RNF216: variants seen among roughly 807,000 people sequenced by gnomAD.
RNF216 encodes the protein ring finger protein 216.
A neutral mutation model predicts 110.8 loss-of-function variants in RNF216; 72 were observed. That is an observed-to-expected ratio of 0.65 (90% confidence interval 0.54 to 0.79). The LOEUF (loss-of-function observed/expected upper bound fraction) is 0.79. Ranked by LOEUF, RNF216 falls within the 30% of genes least tolerant of loss-of-function variation. The pLI is 0.00. For missense variants in RNF216, 1,342 were observed against 1,141.2 expected (o/e 1.18, Z -2.54); for synonymous variants, 495 against 407.5 (o/e 1.21, Z -2.59).
rs1270086255 is a variant in RNF216 at position 5,659,752 on chromosome 7, T to A, written c.2062-7242A>T. On this transcript the variant is annotated intron_variant, in intron 13 of 16. Coordinates refer to ENST00000389902, the MANE Select transcript of RNF216 (RefSeq NM_207111.4). ...CTTAGATTTCCTCAACAGTCCTCCA[T>A]AAATAAGGGCACAGCTTACTTCCTG... Among the ~76,000 whole-genome samples the A allele has an allele frequency of 3.9e-5, 6 of 152,208 alleles. No homozygotes were observed. In the South Asian group the frequency reaches 1.2e-3, roughly 32 times the overall value.
At chr7:5,656,211 T>C (rs963577729) in intron 13 of RNF216, among the ~76,000 whole-genome samples, 1 of 151,862 alleles carries the variant, frequency 6.6e-6, no homozygotes, top group African/African-American at 2.4e-5. Context: ...GGAGGTTGCA[T>C]TGAGCTGAGA....
At chr7:5,656,465 A>T (rs1788751385) in intron 13 of RNF216, among the ~76,000 whole-genome samples, 1 of 152,172 alleles carries the variant, frequency 6.6e-6, no homozygotes, top group South Asian at 2.1e-4. Context: ...GCGCGGGACC[A>T]CACTTTCTAT....
intron 15 of RNF216, among the ~76,000 whole-genome samples, chr7:5,633,646 G>A (rs539065329): frequency 6.6e-6 from 1 of 152,258 alleles, no homozygotes; most frequent in South Asian, 2.1e-4. Context: ...AGGGAGATTT[G>A]TTTCCTTTCC....
intron 13 of RNF216, among the ~76,000 whole-genome samples, chr7:5,676,272 A>ACT (rs1790287833): frequency 6.6e-6 from 1 of 152,022 alleles, no homozygotes; most frequent in African/African-American, 2.4e-5. Flanking sequence ...TTGGCCTCCC[A>ACT]AAGTGGGAGG....
At chr7:5,725,580 G>C (rs182695036) in intron 7 of RNF216, 142 bp from the exon 8 acceptor site, 3 of 621,750 alleles carry the variant, frequency 4.8e-6, no homozygotes, top group Non-Finnish European at 8.6e-6. Flanking sequence ...GCTGGGTGCG[G>C]TGGCTGACGC....
intron 15 of RNF216, among the ~76,000 whole-genome samples, chr7:5,635,342 A>G (rs1157256702): frequency 2.0e-5 from 3 of 151,722 alleles, no homozygotes; most frequent in Non-Finnish European, 4.4e-5. Context: ...GTGATGAGAA[A>G]TAACACGCCA....
Position 5,730,724 on chromosome 7 carries a change from A to G in RNF216, c.1215T>C (p.Asp405=). 6.2e-7 allele frequency: 1 copy of G among 1,606,870 alleles called. No individual in the cohort carries two copies. The highest frequency in any genetic ancestry group is 8.5e-7 in the Non-Finnish European group (1 of 1,175,622). ...TGAACATGACACTTGCCTTTGTCTC[A>G]TCTTGGCTGGCCAGCAGACTGCTAC... is the stretch of plus-strand genomic sequence containing the variant. The part of the protein sequence containing the change: ...NPSSSLLASQ[D]ETKLPKIDFF... The change falls in exon 6 of 17, where the codon GAT becomes GAC. Residue 405 remains aspartate, a synonymous_variant. Coordinates refer to ENST00000389902, the MANE Select transcript of RNF216 (RefSeq NM_207111.4).
chr7:5,695,722 G>A (rs28588522), intron 13 of RNF216, among the ~76,000 whole-genome samples: 9,275 of 152,262 alleles, frequency 0.061, 941 homozygotes, highest in African/African-American at 0.21. Context: ...GATGGATGGT[G>A]CACACCAGGC....
intron 2 of RNF216, among the ~76,000 whole-genome samples, chr7:5,757,805 G>T (rs4720641): frequency 0.82 from 124,440 of 152,142 alleles, 52,781 homozygotes; most frequent in Non-Finnish European, 0.92. Context: ...AATTCAGGTG[G>T]TATATTCATT....
chr7:5,690,468 ATC>A (rs1385788762), intron 13 of RNF216, among the ~76,000 whole-genome samples: 1 of 152,148 alleles, frequency 6.6e-6, no homozygotes, highest in African/African-American at 2.4e-5. Flanking sequence ...AAGACCTGGA[ATC>A]TATCAGCTGC....
chr7:5,683,537 C>T (rs551982217), intron 13 of RNF216, among the ~76,000 whole-genome samples: 5 of 152,272 alleles, frequency 3.3e-5, no homozygotes, highest in South Asian at 2.1e-4. Flanking sequence ...ATGACTTAAC[C>T]ACCTCATCAG....
intron 13 of RNF216, among the ~76,000 whole-genome samples, chr7:5,675,715 T>G (rs1385146327): frequency 1.9e-5 from 2 of 105,548 alleles, no homozygotes; most frequent in Admixed American, 8.6e-5. Context: ...ATTCAAATTC[T>G]TTTTTTTTTT....
intron 13 of RNF216, 69 bp downstream of exon 13, chr7:5,711,692 T>C (rs1193363861): frequency 8.0e-7 from 1 of 1,245,672 alleles, no homozygotes; most frequent in African/African-American, 1.5e-5. Flanking sequence ...ACAGCAGATA[T>C]TTGGGCCATG....
At chr7:5,695,803 A>C (rs541470276) in intron 13 of RNF216, among the ~76,000 whole-genome samples, 1 of 152,336 alleles carries the variant, frequency 6.6e-6, no homozygotes, top group East Asian at 1.9e-4. Flanking sequence ...CTTTGCCTGT[A>C]AACGGATGTG....
Position 5,687,827 on chromosome 7 carries a change from C to A in RNF216, c.2061+23934G>T, listed in dbSNP as rs138219600. Among the ~76,000 whole-genome samples the A allele has an allele frequency of 2.0e-3, 310 of 152,296 alleles. 2 individuals carry two copies. The highest frequency in any genetic ancestry group is 6.9e-3 in the African/African-American group (286 of 41,558). ...TTTTGCAAACATCCCCTCCTTTAAT[C>A]TTCAGACAACCCAGTGGGTGAGGCA... On this transcript the variant is annotated intron_variant, in intron 13 of 16. Coordinates refer to ENST00000389902, the MANE Select transcript of RNF216 (RefSeq NM_207111.4).
intron 13 of RNF216, among the ~76,000 whole-genome samples, chr7:5,683,053 G>A (rs2128606803): frequency 6.6e-6 from 1 of 152,200 alleles, no homozygotes; most frequent in African/African-American, 2.4e-5. Flanking sequence ...GCTATGTCAT[G>A]CTAAGTTAAA....
chr7:5,679,771 T>C (rs1177293768), intron 13 of RNF216, among the ~76,000 whole-genome samples: 2 of 152,166 alleles, frequency 1.3e-5, no homozygotes, highest in East Asian at 3.9e-4. Context: ...TGTGAGTGCC[T>C]GCATTTCTAA....
intron 13 of RNF216, among the ~76,000 whole-genome samples, chr7:5,703,327 C>G (rs1792087854): frequency 6.6e-6 from 1 of 152,246 alleles, no homozygotes. Context: ...GTGCTCAGCA[C>G]AGGAGTCAGC....
chr7:5,650,205 C>T (rs1233059767), intron 14 of RNF216, among the ~76,000 whole-genome samples: 1 of 152,154 alleles, frequency 6.6e-6, no homozygotes, highest in African/African-American at 2.4e-5. Context: ...AGAAGCCCAA[C>T]ATTTGGGAGG....
Sources: gnomAD v4.1 joint callset for allele counts (sites outside exome capture counted in the v4.1 genomes callset) on GRCh38, gnomAD v4.1.1 for gene constraint, MANE v1.5 for transcripts, NCBI Gene and HGNC (gene_info 2026-07-23, HGNC 2026-07-21) for gene names.